Variants in FAM124A observed in about 807,000 individuals in gnomAD.
FAM124A encodes protein FAM124A.
A neutral mutation model predicts 24.5 loss-of-function variants in FAM124A; 23 were observed. That is an observed-to-expected ratio of 0.94 (90% CI 0.68 to 1.33). The LOEUF is 1.33. Ranked by LOEUF, FAM124A falls within the 40% of genes most tolerant of loss-of-function variation. FAM124A has a pLI of 0.00. For missense variants in FAM124A, 623 were observed against 722.8 expected (o/e 0.86, Z 1.58); for synonymous variants, 287 against 314.7 (o/e 0.91, Z 0.93).
At chr13:51,259,295 T>G in intron 3 of FAM124A, among the ~76,000 whole-genome samples, 1 of 152,134 alleles carries the variant, frequency 6.6e-6, no homozygotes, top group African/African-American at 2.4e-5. Context: ...GCAAATCAGA[T>G]CATGTGACTC....
Position 51,251,975 on chromosome 13 carries a change from C to T in FAM124A, c.608C>T (p.Ala203Val). ...ILRRSPSQKK[A>V]DFCIFPIFSN... Reference sequence around the variant, plus strand: ...CGGAGGAGCCCCAGCCAGAAGAAAGCGGACTTCTGCATCTTCCCTATTTTT... The same window carrying T: ...CGGAGGAGCCCCAGCCAGAAGAAAGTGGACTTCTGCATCTTCCCTATTTTT... The change falls in exon 3 of 4, where the codon GCG (alanine) becomes GTG (valine). Residue 203 changes from alanine to valine, a missense_variant. Transcript: ENST00000322475. The surrounding 1 kb of genome is among the most constrained non-coding windows in gnomAD (Gnocchi z 5.3). 3.1e-6 allele frequency: 5 copies of T among 1,614,242 alleles called. No homozygotes were observed. Among genetic ancestry groups the T allele is most frequent in the East Asian group, 2.2e-5 (1 of 44,888 alleles).
chr13:51,280,503 C>T lies in FAM124A; in HGVS notation c.888C>T (p.Ser296=), dbSNP rs144043589. Reference sequence around the variant, plus strand: ...AACCTGGCAGAGTACATCATGCCTCCGAGAAGAAACGTCATTCCACTCCTT... The same window carrying T: ...AACCTGGCAGAGTACATCATGCCTCTGAGAAGAAACGTCATTCCACTCCTT... ...FPKPGRVHHA[S]EKKRHSTPLP... Residue 296 remains serine (S), a synonymous_variant, in exon 4 of 4, where the codon TCC becomes TCT. Coordinates refer to ENST00000322475, the MANE Select transcript of FAM124A (RefSeq NM_001242312.2). 527 of 1,613,688 alleles carry T rather than the reference C, an allele frequency of 3.3e-4. 3 individuals are homozygous for T. In the African/African-American group the frequency reaches 6.4e-3, roughly 20 times the overall value.
chr13:51,275,789 C>T (rs765382859), intron 3 of FAM124A, among the ~76,000 whole-genome samples: 47 of 152,164 alleles, frequency 3.1e-4, no homozygotes, highest in African/African-American at 6.0e-4. Context: ...TATGTATCGA[C>T]GCAACCAATT....
In FAM124A at chr13:51,229,504, T is replaced by G. The variant is rs371641681; in HGVS notation, c.69-1844T>G. Among the ~76,000 whole-genome samples the G allele has an allele frequency of 1.6e-3, 245 of 152,348 alleles. 7 individuals are homozygous for G. The South Asian group carries it at 0.028, about 17-fold the overall frequency. On this transcript the variant is annotated intron_variant, in intron 1 of 3. Transcript: ENST00000322475. ...TTTCAAGTGTAAATTTCATTCTACATACATATCCATCTGTATGCAGATCTT... is the reference window on the plus strand; with the variant it reads ...TTTCAAGTGTAAATTTCATTCTACAGACATATCCATCTGTATGCAGATCTT...
chr13:51,250,844 A>G (rs939971930), intron 2 of FAM124A, among the ~76,000 whole-genome samples: 3 of 152,244 alleles, frequency 2.0e-5, no homozygotes. Flanking sequence ...GGCAGGACTC[A>G]TCAACAGCCA....
At chr13:51,257,211 G>T (rs1309858214) in intron 3 of FAM124A, among the ~76,000 whole-genome samples, 4 of 152,210 alleles carry the variant, frequency 2.6e-5, no homozygotes, top group Non-Finnish European at 4.4e-5. Context: ...AAGTGGAATT[G>T]CTGGATTGTA....
chr13:51,246,885 C>T (rs144690584), intron 2 of FAM124A, among the ~76,000 whole-genome samples: 156 of 152,332 alleles, frequency 1.0e-3, no homozygotes, highest in Non-Finnish European at 1.4e-3. Flanking sequence ...CACCTTCTCC[C>T]GGGCCTCTTC....
At chr13:51,249,930 T>C (rs1954601149) in intron 2 of FAM124A, among the ~76,000 whole-genome samples, 5 of 152,206 alleles carry the variant, frequency 3.3e-5, no homozygotes. Context: ...TGTACTCCCA[T>C]AGTGCTTGGG....
chr13:51,254,869 T>C, intron 3 of FAM124A, among the ~76,000 whole-genome samples: 1 of 152,312 alleles, frequency 6.6e-6, no homozygotes, highest in East Asian at 1.9e-4. Flanking sequence ...TAATTATGTA[T>C]ATACCAAAAA....
At position 51,251,415 on chromosome 13, in the gene FAM124A, T is replaced by C. The variant is rs561095383; in HGVS notation, c.101-53T>C. The C allele has an allele frequency of 1.6e-5, 24 of 1,478,336 alleles. No individual in the cohort carries two copies. The African/African-American group carries it at 3.2e-4, about 20-fold the overall frequency. The allele number at this position is 1,478,336 out of a possible 1,614,324, so 91.6% of individuals were successfully genotyped here. The stretch of plus-strand genomic sequence containing the variant: ...TACACGTCATCACTGGACACTTTAA[T>C]GAAATAATCATAATTGTATTCATTC... On this transcript the variant is annotated intron_variant, in intron 2 of 3. Transcript: ENST00000322475. This position sits in a 1 kb window ranked among gnomAD's most constrained non-coding sequence, Gnocchi z 5.3.
At chr13:51,261,921 C>T (rs1010426948) in intron 3 of FAM124A, among the ~76,000 whole-genome samples, 1 of 152,210 alleles carries the variant, frequency 6.6e-6, no homozygotes, top group Non-Finnish European at 1.5e-5. Flanking sequence ...CAGACAGGTA[C>T]AGTACTGGAG....
intron 1 of FAM124A, among the ~76,000 whole-genome samples, chr13:51,224,735 A>G (rs983443203): frequency 6.6e-6 from 1 of 152,196 alleles, no homozygotes; most frequent in Non-Finnish European, 1.5e-5. Flanking sequence ...TTTAAAATGC[A>G]AATCTGATCA....
intron 2 of FAM124A, among the ~76,000 whole-genome samples, chr13:51,234,597 C>G (rs1319168363): frequency 6.6e-6 from 1 of 151,942 alleles, no homozygotes; most frequent in East Asian, 1.9e-4. Flanking sequence ...CTTTAAGGGC[C>G]CTTCCAGAAG....
At chr13:51,252,428 G>A (rs1954635327) in intron 3 of FAM124A, 1 of 608,880 alleles carries the variant, frequency 1.6e-6, no homozygotes, top group Admixed American at 3.2e-5. Flanking sequence ...CAGCAAACAT[G>A]TTCCCAATTC....
chr13:51,263,650 C>A (rs540610109), intron 3 of FAM124A, among the ~76,000 whole-genome samples: 1 of 152,226 alleles, frequency 6.6e-6, no homozygotes, highest in Non-Finnish European at 1.5e-5. Context: ...AGCAAGTCAA[C>A]GGTGCCCCTT....
At position 51,283,767 on chromosome 13, in the gene FAM124A, C is replaced by CAAAAAAAAAAAAAAAAAAA. The variant is rs3045985; in HGVS notation, c.*2521_*2539dup. On this transcript the variant is annotated 3_prime_UTR_variant, in exon 4 of 4. Coordinates refer to ENST00000322475, the MANE Select transcript of FAM124A (RefSeq NM_001242312.2). The stretch of plus-strand genomic sequence containing the variant: ...TCATCAGTAACAAAAGTCAGTGAGG[C>CAAAAAAAAAAAAAAAAAAA]AAAAAAAAAAAAAAAAAAAAAAAAA... 2 of 34,716 alleles carry CAAAAAAAAAAAAAAAAAAA rather than the reference C, an allele frequency of 5.8e-5. No individual in the cohort carries two copies. Among genetic ancestry groups the CAAAAAAAAAAAAAAAAAAA allele is most frequent in the African/African-American group, 2.0e-4 (2 of 10,126 alleles). The allele number at this position is 34,716 out of a possible 1,614,324, so 2.2% of individuals were successfully genotyped here.
chr13:51,250,715 C>T (rs1954611115), intron 2 of FAM124A, among the ~76,000 whole-genome samples: 1 of 152,182 alleles, frequency 6.6e-6, no homozygotes, highest in South Asian at 2.1e-4. Context: ...TCCACCCTAA[C>T]CTCAGCCCCA....
intron 1 of FAM124A, among the ~76,000 whole-genome samples, chr13:51,229,210 G>A (rs1954348291): frequency 1.3e-5 from 2 of 152,256 alleles, no homozygotes; most frequent in African/African-American, 2.4e-5. Context: ...GTCACGGAGA[G>A]AGGGGTTTGT....
intron 3 of FAM124A, among the ~76,000 whole-genome samples, chr13:51,256,298 A>G (rs905216363): frequency 6.6e-6 from 1 of 152,184 alleles, no homozygotes; most frequent in African/African-American, 2.4e-5. Flanking sequence ...TAATTTAACA[A>G]TGGTCTCCAA....
Sources: gnomAD v4.1 joint callset for allele counts (sites outside exome capture counted in the v4.1 genomes callset) on GRCh38, gnomAD v4.1.1 for gene constraint, Gnocchi (gnomAD v3.1) non-coding constraint, MANE v1.5 for transcripts, NCBI Gene and HGNC (gene_info 2026-07-23, HGNC 2026-07-21) for gene names.